Variants in STK38 observed in about 807,000 individuals in gnomAD.
STK38 encodes serine/threonine-protein kinase 38.
STK38 carries 26 observed loss-of-function variants against 59.0 expected under a neutral mutation model. That is an observed-to-expected ratio of 0.44 (90% CI 0.32 to 0.61). The LOEUF (loss-of-function observed/expected upper bound fraction) is 0.61. Ranked by LOEUF, STK38 falls within the 20% of genes least tolerant of loss-of-function variation. The pLI, the probability that STK38 is intolerant of heterozygous loss-of-function variation, is 0.04. For missense variants in STK38, 433 were observed against 566.0 expected, an observed-to-expected ratio of 0.76 and a Z score of 2.38; for synonymous variants, 175 against 176.6, an observed-to-expected ratio of 0.99 and a Z score of 0.07.
chr6:36,505,852 A>G (rs1776950441), intron 9 of STK38, among the ~76,000 whole-genome samples: 3 of 152,218 alleles, frequency 2.0e-5, no homozygotes, highest in Admixed American at 2.0e-4. Flanking sequence ...TATCTGGCCA[A>G]TAACTTTCCA....
At chr6:36,524,240 T>A (rs1391892996) in intron 4 of STK38, 101 bp downstream of exon 4, 15 of 1,411,434 alleles carry the variant, frequency 1.1e-5, no homozygotes, top group Non-Finnish European at 1.3e-5. Flanking sequence ...ACTCATTTAA[T>A]TCCATATATT....
chr6:36,523,413 C>T (rs1484129763), intron 4 of STK38, among the ~76,000 whole-genome samples: 2 of 151,910 alleles, frequency 1.3e-5, no homozygotes, highest in Non-Finnish European at 2.9e-5. Flanking sequence ...CAGGCACGTG[C>T]CACCACACCC....
chr6:36,523,181 A>G (rs1435513387), intron 4 of STK38, among the ~76,000 whole-genome samples: 1 of 151,994 alleles, frequency 6.6e-6, no homozygotes, highest in African/African-American at 2.4e-5. Context: ...CAAGAAGCCA[A>G]TAGGAATTCT....
chr6:36,513,515 A>G (rs1170613066), intron 7 of STK38, among the ~76,000 whole-genome samples: 1 of 150,630 alleles, frequency 6.6e-6, no homozygotes, highest in Non-Finnish European at 1.5e-5. Flanking sequence ...GGGTTTCACC[A>G]TGTTGGCCAG....
chr6:36,515,495 G>A lies in STK38; in HGVS notation c.515-3C>T, dbSNP rs761809229. On this transcript the variant is annotated splice_region_variant and splice_polypyrimidine_tract_variant and intron_variant, in intron 6 of 13. Transcript: ENST00000229812. The stretch of plus-strand genomic sequence containing the variant: ...CATCAACAAGGTCATCATGTCCCCT[G>A]GAAACAAGAAGATACAAAGCCACCA... The A allele has an allele frequency of 6.2e-7, 1 of 1,604,552 alleles. No homozygotes were observed. The highest frequency in any genetic ancestry group is 2.2e-5 in the East Asian group (1 of 44,484).
intron 2 of STK38, among the ~76,000 whole-genome samples, chr6:36,533,347 T>TA (rs1582456945): frequency 6.6e-6 from 1 of 152,182 alleles, no homozygotes; most frequent in East Asian, 1.9e-4. Flanking sequence ...GGCAATTTGA[T>TA]AAGCAACCAA....
chr6:36,518,891 T>C (rs1206155787), intron 5 of STK38, among the ~76,000 whole-genome samples: 2 of 152,208 alleles, frequency 1.3e-5, no homozygotes, highest in Non-Finnish European at 2.9e-5. Context: ...GTTCACAAAT[T>C]GGCAAATTTA....
chr6:36,527,806 C>G (rs1397791664), intron 2 of STK38, among the ~76,000 whole-genome samples: 1 of 151,890 alleles, frequency 6.6e-6, no homozygotes, highest in Non-Finnish European at 1.5e-5. Context: ...AAGGATAAGA[C>G]TACAGTATGC....
At position 36,494,468 on chromosome 6, in the gene STK38, C is replaced by T. The variant is rs895222941; in HGVS notation, c.*1316G>A. On this transcript the variant is annotated 3_prime_UTR_variant, in exon 14 of 14. Coordinates refer to ENST00000229812, the MANE Select transcript of STK38 (RefSeq NM_007271.4). ...ATAATGCATTAATATGGAGCCTCCACATTTTTCTGACGAAATTCCTCTAAA... is the reference window on the plus strand; with the variant it reads ...ATAATGCATTAATATGGAGCCTCCATATTTTTCTGACGAAATTCCTCTAAA... 1.3e-5 allele frequency: 2 copies of T among 152,654 alleles called. No homozygotes were observed. The highest frequency in any genetic ancestry group is 1.3e-4 in the Admixed American group (2 of 15,286). 9.5% of individuals were successfully genotyped at this position (152,654 alleles called of 1,614,324 possible). A position where few individuals can be genotyped will look rare whatever the true frequency, so the allele number is the denominator to read the frequency against.
At chr6:36,514,237 A>G (rs1777191724) in intron 7 of STK38, among the ~76,000 whole-genome samples, 1 of 151,128 alleles carries the variant, frequency 6.6e-6, no homozygotes, top group Admixed American at 6.6e-5. Flanking sequence ...GATCCCTTGA[A>G]CCCAAGAATT....
intron 1 of STK38, among the ~76,000 whole-genome samples, chr6:36,542,117 G>A (rs144413881): frequency 2.0e-5 from 3 of 152,202 alleles, no homozygotes; most frequent in Admixed American, 6.5e-5. Flanking sequence ...TTGCAGGCAT[G>A]AGCCACTGCA....
At chr6:36,528,623 T>C (rs1232695363) in intron 2 of STK38, among the ~76,000 whole-genome samples, 1 of 152,192 alleles carries the variant, frequency 6.6e-6, no homozygotes, top group African/African-American at 2.4e-5. Context: ...GCTGTACTCT[T>C]AGTAGTTTCG....
chr6:36,542,176 C>G (rs372963935), intron 1 of STK38, among the ~76,000 whole-genome samples: 7 of 152,124 alleles, frequency 4.6e-5, no homozygotes, highest in Middle Eastern at 3.4e-3. Context: ...ATACTGTTAC[C>G]AATAACTTTT....
chr6:36,527,257 T>C (rs1011875855), intron 2 of STK38, among the ~76,000 whole-genome samples: 11 of 146,936 alleles, frequency 7.5e-5, no homozygotes, highest in Non-Finnish European at 1.3e-4. Context: ...TGTATACATA[T>C]GTATATATGT....
In STK38 at chr6:36,494,829, C is replaced by G. The variant is rs956238398; in HGVS notation, c.*955G>C. On this transcript the variant is annotated 3_prime_UTR_variant, in exon 14 of 14. Coordinates refer to ENST00000229812, the MANE Select transcript of STK38 (RefSeq NM_007271.4). ...CCATTTCCAAAGGGGTTCTGGAGAC[C>G]TTGCAGGAACAGGAACAGCACCTTA... The G allele has an allele frequency of 6.6e-6, 1 of 152,306 alleles. No homozygotes were observed. Among genetic ancestry groups the G allele is most frequent in the African/African-American group, 2.4e-5 (1 of 41,430 alleles). The allele number at this position is 152,306 out of a possible 1,614,324, so 9.4% of individuals were successfully genotyped here. A position where few individuals can be genotyped will look rare whatever the true frequency, so the allele number is the denominator to read the frequency against.
At chr6:36,525,470 C>G in intron 3 of STK38, 121 bp downstream of exon 3, 1 of 779,856 alleles carries the variant, frequency 1.3e-6, no homozygotes, top group South Asian at 1.7e-5. Flanking sequence ...GCACACTACC[C>G]CTCAAGTTCC....
In STK38 at chr6:36,495,633, G is replaced by T; in HGVS notation, c.*151C>A. 1 of 1,022,530 alleles carries T rather than the reference G, an allele frequency of 9.8e-7. No homozygotes were observed. The highest frequency in any genetic ancestry group is 1.6e-5 in the African/African-American group (1 of 61,790). The allele number at this position is 1,022,530 out of a possible 1,614,324, so 63.3% of individuals were successfully genotyped here. On this transcript the variant is annotated 3_prime_UTR_variant, in exon 14 of 14. Coordinates refer to ENST00000229812, the MANE Select transcript of STK38 (RefSeq NM_007271.4). Reference sequence around the variant, plus strand: ...ACAGTTTTTCAGATGCATTATGGAAGAAAATCCTCTTACTACCACATTTCA... The same window carrying T: ...ACAGTTTTTCAGATGCATTATGGAATAAAATCCTCTTACTACCACATTTCA...
At chr6:36,499,811 G>T (rs1432590781) in intron 10 of STK38, 62 bp downstream of exon 10, 1 of 1,272,330 alleles carries the variant, frequency 7.9e-7, no homozygotes, top group African/African-American at 1.5e-5. Flanking sequence ...ACAGAGGCTG[G>T]TATCAATGTA....
chr6:36,496,638 G>A (rs1156745622), intron 13 of STK38, 73 bp downstream of exon 13: 1 of 1,130,254 alleles, frequency 8.8e-7, no homozygotes, highest in East Asian at 2.3e-5. Flanking sequence ...ACCCTGATTT[G>A]TAAACATCAT....
Sources: allele counts gnomAD v4.1 joint callset (sites outside exome capture counted in the v4.1 genomes callset), GRCh38; gene constraint gnomAD v4.1.1; transcripts MANE v1.5; gene names NCBI Gene and HGNC (gene_info 2026-07-23, HGNC 2026-07-21).